Variants in DNAJC27 observed in about 807,000 individuals in gnomAD.
DNAJC27 encodes dnaJ homolog subfamily C member 27.
DNAJC27 carries 25 observed loss-of-function variants against 31.4 expected under a neutral mutation model. The ratio of observed to expected loss-of-function variants is 0.80; its 90% CI spans 0.58 to 1.11. The LOEUF is 1.11. Ranked by LOEUF, DNAJC27 falls within the 50% of genes most tolerant of loss-of-function variation. The probability of loss-of-function intolerance (pLI) is 0.00; values close to 1 mark genes in which losing one functional copy is unlikely to be tolerated. For synonymous variants in DNAJC27, 106 were observed against 112.7 expected, an observed-to-expected ratio of 0.94 and a Z score of 0.37; for missense variants, 356 against 347.3, an observed-to-expected ratio of 1.02 and a Z score of -0.20.
In DNAJC27 at chr2:24,971,659, G is replaced by A. The variant is rs935774568; in HGVS notation, c.87+159C>T. Reference sequence around the variant, plus strand: ...CAACGGAAAGGTCAAAAAGGTCGGGGAGTTTCGTTCGCGGAGCCGCACCCC... The same window carrying A: ...CAACGGAAAGGTCAAAAAGGTCGGGAAGTTTCGTTCGCGGAGCCGCACCCC... On this transcript the variant is annotated intron_variant, in intron 1 of 6. Transcript: ENST00000264711. 9.0e-6 allele frequency: 5 copies of A among 555,586 alleles called. No homozygotes were observed. The East Asian group carries it at 1.7e-4, about 19-fold the overall frequency. The allele number at this position is 555,586 out of a possible 1,614,324, so 34.4% of individuals were successfully genotyped here.
In DNAJC27 at chr2:24,963,430, A is replaced by G; in HGVS notation, c.215T>C (p.Met72Thr). 1 of 1,613,924 alleles carries G rather than the reference A, an allele frequency of 6.2e-7. No individual in the cohort carries two copies. Among genetic ancestry groups the G allele is most frequent in the Non-Finnish European group, 8.5e-7 (1 of 1,179,852 alleles). ...CTCATAGAAGAAGGGATGTCCAGCC[A>G]TATCAAAGATGTTAACTTTGATTTC... ...DREIKVNIFD[M>T]AGHPFFYEVR... The change falls in exon 3 of 7, where the codon ATG becomes ACG. Residue 72 changes from methionine (M) to threonine (T), a missense_variant. Physicochemically the swap from Met to Thr is moderately conservative, Grantham distance 81. Transcript: ENST00000264711.
chr2:24,957,661 T>G, intron 4 of DNAJC27, 149 bp downstream of exon 4: 1 of 788,968 alleles, frequency 1.3e-6, no homozygotes, highest in Non-Finnish European at 2.0e-6. Flanking sequence ...GCTGTGTTGT[T>G]TTGTTTTTGT....
intron 5 of DNAJC27, among the ~76,000 whole-genome samples, chr2:24,956,493 C>T (rs1394084946): frequency 6.6e-6 from 1 of 152,128 alleles, no homozygotes; most frequent in Non-Finnish European, 1.5e-5. Flanking sequence ...GGAGTCTATA[C>T]TGACAGTCTC....
Position 24,969,418 on chromosome 2 carries a change from A to T in DNAJC27, c.88-2125T>A, listed in dbSNP as rs1666270492. The T allele has an allele frequency of 5.9e-5, 11 of 187,456 alleles. No individual in the cohort carries two copies. The South Asian group carries it at 8.5e-4, about 15-fold the overall frequency. 11.6% of individuals were successfully genotyped at this position (187,456 alleles called of 1,614,324 possible). On this transcript the variant is annotated intron_variant, in intron 1 of 6. Coordinates refer to ENST00000264711, the MANE Select transcript of DNAJC27 (RefSeq NM_016544.3). ...TAGACATCCAAGGAAGGTTTACCGA[A>T]CACTAAGGAAAATCTTTCTGGTGGA...
At position 24,945,380 on chromosome 2, in the gene DNAJC27, T is replaced by C. The variant is rs1665622950; in HGVS notation, c.*2236A>G. The C allele has an allele frequency of 6.6e-6, 1 of 152,212 alleles. No homozygotes were observed. The highest frequency in any genetic ancestry group is 1.5e-5 in the Non-Finnish European group (1 of 68,042). 9.4% of individuals were successfully genotyped at this position (152,212 alleles called of 1,614,324 possible). On this transcript the variant is annotated 3_prime_UTR_variant, in exon 7 of 7. Coordinates refer to ENST00000264711, the MANE Select transcript of DNAJC27 (RefSeq NM_016544.3). ...CACATAAGGATATGAGTGGGAGCAC[T>C]AATGAATTTTCTCTGCTGTAATTGC...
chr2:24,945,680 T>A lies in DNAJC27; in HGVS notation c.*1936A>T, dbSNP rs1172343435. The A allele has an allele frequency of 1.3e-5, 2 of 151,928 alleles. No individual in the cohort carries two copies. The highest frequency in any genetic ancestry group is 2.9e-5 in the Non-Finnish European group (2 of 68,034). The allele number at this position is 151,928 out of a possible 1,614,324, so 9.4% of individuals were successfully genotyped here. A position where few individuals can be genotyped will look rare whatever the true frequency, so the allele number is the denominator to read the frequency against. ...GAGTTCTGTAGCCTCAGAAGCCAGT[T>A]AAAGGCCAGAGGAAAACCTCGCAAG... On this transcript the variant is annotated 3_prime_UTR_variant, in exon 7 of 7. Transcript: ENST00000264711.
chr2:24,958,667 G>A, intron 3 of DNAJC27: 1 of 232,530 alleles, frequency 4.3e-6, no homozygotes, highest in Non-Finnish European at 9.3e-6. Context: ...AGATAATGCA[G>A]GCAAAGTACT....
intron 3 of DNAJC27, 175 bp downstream of exon 3, chr2:24,963,230 A>C: frequency 2.3e-6 from 1 of 439,416 alleles, no homozygotes; most frequent in African/African-American, 2.0e-5. Context: ...TAACAGGATA[A>C]CCTAAAAGAT....
chr2:24,955,643 A>C (rs1665887527), intron 5 of DNAJC27, among the ~76,000 whole-genome samples: 1 of 152,228 alleles, frequency 6.6e-6, no homozygotes, highest in South Asian at 2.1e-4. Flanking sequence ...AACTGCTGAA[A>C]ACCAAAGAAA....
intron 6 of DNAJC27, among the ~76,000 whole-genome samples, chr2:24,950,035 C>T (rs2149120672): frequency 6.8e-6 from 1 of 147,418 alleles, no homozygotes; most frequent in South Asian, 2.2e-4. Flanking sequence ...AATAGGAAGA[C>T]TCACATTTTC....
At chr2:24,970,539 A>C (rs1170723661) in intron 1 of DNAJC27, among the ~76,000 whole-genome samples, 1 of 140,776 alleles carries the variant, frequency 7.1e-6, no homozygotes, top group Admixed American at 8.0e-5. Context: ...ATCTCGGCTC[A>C]CTGCAGCCTC....
At chr2:24,966,196 T>C (rs1666176277) in intron 2 of DNAJC27, among the ~76,000 whole-genome samples, 1 of 152,090 alleles carries the variant, frequency 6.6e-6, no homozygotes, top group African/African-American at 2.4e-5. Context: ...GGCTGGATAA[T>C]GGTGCTGAGG....
rs201956395 is a variant in DNAJC27, at chr2:24,967,295, T to A, written c.88-2A>T. 12 of 1,599,454 alleles carry A rather than the reference T, an allele frequency of 7.5e-6. No homozygotes were observed. Among genetic ancestry groups the A allele is most frequent in the Non-Finnish European group, 1.0e-5 (12 of 1,167,602 alleles). ...ACAGTATCGCTTTATAATACAGCTC[T>A]AAAAAGGTAAAAAATACAGGCATTT... On this transcript the variant is annotated splice_acceptor_variant, in intron 1 of 6. Transcript: ENST00000264711. LOFTEE classifies it high-confidence loss of function.
At chr2:24,971,072 G>A (rs949460809) in intron 1 of DNAJC27, among the ~76,000 whole-genome samples, 1 of 152,180 alleles carries the variant, frequency 6.6e-6, no homozygotes, top group African/African-American at 2.4e-5. Context: ...TTAACCAACA[G>A]ATTCCACTTG....
At chr2:24,962,885 A>G (rs1471848147) in intron 3 of DNAJC27, among the ~76,000 whole-genome samples, 3 of 152,224 alleles carry the variant, frequency 2.0e-5, no homozygotes. Context: ...AAGAAAAATG[A>G]AAAAGCCCAA....
intron 5 of DNAJC27, among the ~76,000 whole-genome samples, chr2:24,954,746 G>GCTAACTCGGTGAAACC (rs1163273697): frequency 6.6e-6 from 1 of 152,150 alleles, no homozygotes; most frequent in Non-Finnish European, 1.5e-5. Flanking sequence ...GACCATCCTG[G>GCTAACTCGGTGAAACC]CTAACTCGGT....
chr2:24,966,230 C>T (rs1275675009), intron 2 of DNAJC27, among the ~76,000 whole-genome samples: 3 of 152,076 alleles, frequency 2.0e-5, no homozygotes, highest in African/African-American at 7.3e-5. Flanking sequence ...GGTAGCAGTT[C>T]AGCATGGATG....
rs185831312 is a variant in DNAJC27 at position 24,945,905 on chromosome 2, T to C, written c.*1711A>G. On this transcript the variant is annotated 3_prime_UTR_variant, in exon 7 of 7. Coordinates refer to ENST00000264711, the MANE Select transcript of DNAJC27 (RefSeq NM_016544.3). ...ATTGGAAGAAAGTGGCTTTTCTTCT[T>C]AGGAGGTAAGGTAGATGCTCTTTGG... The C allele has an allele frequency of 2.0e-5, 3 of 152,254 alleles. No individual in the cohort carries two copies. The highest frequency in any genetic ancestry group is 1.9e-4 in the East Asian group (1 of 5,178). 9.4% of individuals were successfully genotyped at this position (152,254 alleles called of 1,614,324 possible).
At chr2:24,971,362 G>A in intron 1 of DNAJC27, 1 of 153,828 alleles carries the variant, frequency 6.5e-6, no homozygotes, top group Non-Finnish European at 1.5e-5. Context: ...TGACGGGAAT[G>A]CAGAATCTGG....
Sources: allele counts gnomAD v4.1 joint callset (sites outside exome capture counted in the v4.1 genomes callset), GRCh38; gene constraint gnomAD v4.1.1; transcripts MANE v1.5; gene names NCBI Gene and HGNC (gene_info 2026-07-23, HGNC 2026-07-21).